Variants in HHLA1 observed in about 807,000 individuals in gnomAD.
The protein encoded by HHLA1 is HHLA1 neighbor of OC90.
HHLA1 carries 72 observed loss-of-function variants against 69.9 expected under a neutral mutation model. The observed-to-expected ratio is 1.03, with a 90% CI of 0.85 to 1.25. The LOEUF is 1.25. Among genes scored for constraint, HHLA1 ranks in the 50% most tolerant of loss-of-function variants. The probability of loss-of-function intolerance (pLI) is 0.00; values close to 1 mark genes in which losing one functional copy is unlikely to be tolerated. For synonymous variants in HHLA1, 252 were observed against 233.2 expected (o/e 1.08, Z -0.73); for missense variants, 685 against 642.2 (o/e 1.07, Z -0.72).
intron 10 of HHLA1, among the ~76,000 whole-genome samples, chr8:132,086,380 C>T (rs1225022586): frequency 6.6e-6 from 1 of 152,148 alleles, no homozygotes; most frequent in African/African-American, 2.4e-5. Context: ...CTTGCAGCCT[C>T]ATTTCCTCTC....
chr8:132,082,961 C>T lies in HHLA1; in HGVS notation c.677-2995G>A, dbSNP rs796676776. On this transcript the variant is annotated intron_variant, in intron 10 of 16. Coordinates refer to ENST00000414222, the MANE Select transcript of HHLA1 (RefSeq NM_001145095.3). ...ATAACAGGCTTTAATCTTTTTAAAG[C>T]GTGCTGTGGGATGGGATATTGGCAT... Among the ~76,000 whole-genome samples, 33 of 151,132 alleles carry T rather than the reference C, an allele frequency of 2.2e-4. 1 individual carries two copies. The South Asian group carries it at 6.5e-3, about 30-fold the overall frequency.
At position 132,079,616 on chromosome 8, in the gene HHLA1, T is replaced by C. The variant is rs1823704525; in HGVS notation, c.925+102A>G. On this transcript the variant is annotated intron_variant, in intron 11 of 16. Coordinates refer to ENST00000414222, the MANE Select transcript of HHLA1 (RefSeq NM_001145095.3). ...TAAGCTGAAGCGTAACTTCAGTTGG[T>C]GGAGAAGGGATTAAGGTAAGGATTT... The C allele has an allele frequency of 2.4e-6, 3 of 1,262,984 alleles. No individual in the cohort carries two copies. In the South Asian group the frequency reaches 4.8e-5, roughly 20 times the overall value. The allele number at this position is 1,262,984 out of a possible 1,614,324, so 78.2% of individuals were successfully genotyped here. A position where few individuals can be genotyped will look rare whatever the true frequency, so the allele number is the denominator to read the frequency against.
intron 1 of HHLA1, among the ~76,000 whole-genome samples, chr8:132,107,461 C>T (rs894377928): frequency 1.3e-5 from 2 of 151,982 alleles, no homozygotes; most frequent in African/African-American, 2.4e-5. Context: ...CCATCATGCC[C>T]GGCTAATTTT....
At chr8:132,078,567 G>A (rs1823686295) in intron 11 of HHLA1, among the ~76,000 whole-genome samples, 1 of 152,074 alleles carries the variant, frequency 6.6e-6, no homozygotes, top group African/African-American at 2.4e-5. Context: ...TTCCTTGCCT[G>A]CTGACACCTA....
chr8:132,064,124 C>G, intron 16 of HHLA1, 86 bp from the exon 17 acceptor site: 2 of 838,722 alleles, frequency 2.4e-6, no homozygotes, highest in South Asian at 1.6e-5. Context: ...ATGTCGCCAA[C>G]AAGGGTCTAG....
chr8:132,076,442 CCCA>C, intron 13 of HHLA1, 30 bp downstream of exon 13: 1 of 1,363,140 alleles, frequency 7.3e-7, no homozygotes, highest in Non-Finnish European at 1.0e-6. Context: ...ATCCCCCACC[CCCA>C]AACCCCCACT....
At position 132,076,037 on chromosome 8, in the gene HHLA1, C is replaced by G. The variant is rs1240704326; in HGVS notation, c.1315+18G>C. 1 of 1,533,490 alleles carries G rather than the reference C, an allele frequency of 6.5e-7. No individual in the cohort carries two copies. Among genetic ancestry groups the G allele is most frequent in the South Asian group, 1.2e-5 (1 of 83,678 alleles). The allele number at this position is 1,533,490 out of a possible 1,614,324, so 95.0% of individuals were successfully genotyped here. ...AAATAAACACAAGCAATAGTAATGA[C>G]TGGGCACTGGTACTTACTTGAAACT... On this transcript the variant is annotated intron_variant, in intron 14 of 16. Transcript: ENST00000414222.
chr8:132,101,180 G>GA (rs1824105068), intron 3 of HHLA1: 1 of 1,543,058 alleles, frequency 6.5e-7, no homozygotes, highest in African/African-American at 1.4e-5. Context: ...CACAGAGTCT[G>GA]AAAAATGTGC....
chr8:132,092,360 C>A (rs72715350), intron 7 of HHLA1, among the ~76,000 whole-genome samples: 8,314 of 152,226 alleles, frequency 0.055, 301 homozygotes, highest in Non-Finnish European at 0.083. Flanking sequence ...GCTGTGAGTT[C>A]ATAGTGAATG....
chr8:132,064,309 G>A (rs2130872008), intron 16 of HHLA1, among the ~76,000 whole-genome samples: 1 of 152,300 alleles, frequency 6.6e-6, no homozygotes, highest in African/African-American at 2.4e-5. Context: ...ATACCCAGCT[G>A]TATCTAACGC....
intron 6 of HHLA1, 40 bp from the exon 7 acceptor site, chr8:132,095,642 G>T: frequency 6.5e-7 from 1 of 1,530,104 alleles, no homozygotes; most frequent in African/African-American, 1.4e-5. Flanking sequence ...CTAACACACA[G>T]ACCAGCCCTG....
At chr8:132,093,012 A>G (rs1823969168) in intron 7 of HHLA1, among the ~76,000 whole-genome samples, 1 of 152,172 alleles carries the variant, frequency 6.6e-6, no homozygotes. Flanking sequence ...CCTTCTTTAA[A>G]CTAGGCTATT....
intron 7 of HHLA1, among the ~76,000 whole-genome samples, 171 bp from the exon 8 acceptor site, chr8:132,089,770 C>A (rs1823918705): frequency 6.6e-6 from 1 of 152,156 alleles, no homozygotes; most frequent in Non-Finnish European, 1.5e-5. Context: ...AATGAAAAGT[C>A]TTGATTTCAG....
chr8:132,071,973 G>A (rs185474899), intron 14 of HHLA1, among the ~76,000 whole-genome samples: 46 of 152,112 alleles, frequency 3.0e-4, no homozygotes, highest in Middle Eastern at 6.8e-3. Flanking sequence ...AGAGCATATG[G>A]ATATGTGTTT....
chr8:132,079,130 T>G (rs537059250), intron 11 of HHLA1, among the ~76,000 whole-genome samples: 1 of 152,226 alleles, frequency 6.6e-6, no homozygotes, highest in Non-Finnish European at 1.5e-5. Flanking sequence ...CTTTTGTGTC[T>G]TTAGTGATGA....
At chr8:132,099,979 G>A (rs1443578143) in intron 4 of HHLA1, 96 bp downstream of exon 4, 29 of 868,380 alleles carry the variant, frequency 3.3e-5, no homozygotes, top group Non-Finnish European at 4.5e-5. Flanking sequence ...AAGAGATGAC[G>A]TTCTCGCCAC....
rs1462657761 is a variant in HHLA1, at chr8:132,076,061, C to T, written c.1309G>A (p.Val437Ile). 6.4e-7 allele frequency: 1 copy of T among 1,550,878 alleles called. No individual in the cohort carries two copies. The highest frequency in any genetic ancestry group is 2.0e-5 in the Admixed American group (1 of 50,996). ...EPVLVPRPHQ[V>I]SRCPQPLFKV... is the part of the protein sequence containing the mutation. The stretch of plus-strand genomic sequence containing the variant: ...ACTGGGCACTGGTACTTACTTGAAA[C>T]TTGATGGGGTCTTGGGACCAGGACT... The change falls in exon 14 of 17, where the codon GTT becomes ATT. Residue 437 changes from valine (V) to isoleucine (I), a missense_variant. By Grantham distance (29) the Val-to-Ile change is conservative (BLOSUM62 3). Coordinates refer to ENST00000414222, the MANE Select transcript of HHLA1 (RefSeq NM_001145095.3).
chr8:132,071,292 G>A (rs749491890), intron 15 of HHLA1, 48 bp downstream of exon 15: 2 of 1,505,410 alleles, frequency 1.3e-6, no homozygotes, highest in Non-Finnish European at 9.0e-7. Context: ...CACGGAATAA[G>A]AAAGCTATAA....
intron 3 of HHLA1, among the ~76,000 whole-genome samples, chr8:132,100,346 TAATA>T (rs1824092619): frequency 1.3e-5 from 2 of 152,158 alleles, no homozygotes; most frequent in Non-Finnish European, 2.9e-5. Flanking sequence ...ATGCACATTT[TAATA>T]AATCAGCTTG....
Sources: allele counts gnomAD v4.1 joint callset (sites outside exome capture counted in the v4.1 genomes callset), GRCh38; gene constraint gnomAD v4.1.1; transcripts MANE v1.5; gene names NCBI Gene and HGNC (gene_info 2026-07-23, HGNC 2026-07-21).